Variants in KIAA0825 observed in about 807,000 individuals in gnomAD.
KIAA0825 encodes the protein KIAA0825.
In KIAA0825, 119 loss-of-function variants were observed where a neutral mutation model predicts 147.6. That is an observed-to-expected ratio of 0.81 (90% confidence interval 0.69 to 0.94). The LOEUF is 0.94. KIAA0825 is among the 40% of genes least tolerant of loss of function. KIAA0825 has a pLI of 0.00. For missense variants in KIAA0825, 1,381 were observed against 1,472.7 expected (o/e 0.94, Z 1.02); for synonymous variants, 470 against 518.1 (o/e 0.91, Z 1.26).
chr5:94,254,654 C>T (rs1244718239), intron 20 of KIAA0825, among the ~76,000 whole-genome samples: 1 of 152,050 alleles, frequency 6.6e-6, no homozygotes, highest in African/African-American at 2.4e-5. Context: ...TTCGTAACAT[C>T]TCTATGATAT....
chr5:94,557,969 G>C (rs188187478), intron 2 of KIAA0825, among the ~76,000 whole-genome samples: 4 of 152,154 alleles, frequency 2.6e-5, no homozygotes, highest in African/African-American at 9.7e-5. Flanking sequence ...GGTGTCTGCC[G>C]TGCTCCTGAT....
At chr5:94,430,674 C>T (rs1755545774) in intron 14 of KIAA0825, among the ~76,000 whole-genome samples, 1 of 152,148 alleles carries the variant, frequency 6.6e-6, no homozygotes, top group Non-Finnish European at 1.5e-5. Context: ...AATGCCCAAT[C>T]ATTTTACATA....
At chr5:94,365,762 C>G (rs543227994) in intron 20 of KIAA0825, among the ~76,000 whole-genome samples, 388 of 152,326 alleles carry the variant, frequency 2.5e-3, no homozygotes, top group Non-Finnish European at 4.3e-3. Flanking sequence ...AACAACCCCC[C>G]TTCCTGCCTG....
rs970985929 is a variant in KIAA0825 at position 94,550,198 on chromosome 5, A to G, written c.-1-13071T>C. On this transcript the variant is annotated intron_variant, in intron 2 of 20. Coordinates refer to ENST00000682413, the MANE Select transcript of KIAA0825 (RefSeq NM_001145678.3). Reference sequence around the variant, plus strand: ...ACTTACCTGTGGAAGCTAAAAATTAAAACTCTGGTCCTGCACAGCTGGGAA... The same window carrying G: ...ACTTACCTGTGGAAGCTAAAAATTAGAACTCTGGTCCTGCACAGCTGGGAA... Among the ~76,000 whole-genome samples, 4 of 152,174 alleles carry G rather than the reference A, an allele frequency of 2.6e-5. No individual in the cohort carries two copies. In the East Asian group the frequency reaches 7.7e-4, roughly 29 times the overall value.
Position 94,471,723 on chromosome 5 carries a change from A to G in KIAA0825, c.1464T>C (p.Ser488=). The G allele has an allele frequency of 6.4e-7, 1 of 1,552,344 alleles. No homozygotes were observed. Among genetic ancestry groups the G allele is most frequent in the African/African-American group, 1.4e-5 (1 of 73,192 alleles). ...TTGTGTCAAGTTTTTCCATGATGTCAGAACAAAACTAGGGAGAAATAAATG... is the reference window on the plus strand; with the variant it reads ...TTGTGTCAAGTTTTTCCATGATGTCGGAACAAAACTAGGGAGAAATAAATG... ...EQPKKIGKFC[S]DIMEKLDTML... The change falls in exon 9 of 21, where the codon TCT becomes TCC. Residue 488 remains serine, a synonymous_variant. Coordinates refer to ENST00000682413, the MANE Select transcript of KIAA0825 (RefSeq NM_001145678.3).
At chr5:94,490,761 GA>G (rs767481432) in intron 5 of KIAA0825, among the ~76,000 whole-genome samples, 2 of 152,014 alleles carry the variant, frequency 1.3e-5, no homozygotes, top group Non-Finnish European at 2.9e-5. Flanking sequence ...CACACGTAAA[GA>G]ATATAGACTA....
intron 5 of KIAA0825, chr5:94,520,047 A>C: frequency 8.8e-7 from 1 of 1,137,806 alleles, no homozygotes; most frequent in Non-Finnish European, 1.1e-6. Context: ...TATCTTTAAC[A>C]ATTTAATAAG....
intron 1 of KIAA0825, among the ~76,000 whole-genome samples, chr5:94,591,295 A>G (rs1784309297): frequency 1.3e-5 from 2 of 152,192 alleles, no homozygotes; most frequent in South Asian, 4.1e-4. Flanking sequence ...AAAAAACACA[A>G]TCAATTGAAG....
intron 5 of KIAA0825, among the ~76,000 whole-genome samples, chr5:94,504,852 A>G (rs1220917964): frequency 6.6e-6 from 1 of 151,076 alleles, no homozygotes; most frequent in Non-Finnish European, 1.5e-5. Context: ...GGTTCAAGCA[A>G]TTCTCCTGCC....
chr5:94,436,583 A>T (rs1218130697), intron 14 of KIAA0825, among the ~76,000 whole-genome samples: 1 of 152,160 alleles, frequency 6.6e-6, no homozygotes. Context: ...CTTTTTGCTT[A>T]GGATTGCCTT....
chr5:94,394,094 C>T (rs528075147), intron 17 of KIAA0825, among the ~76,000 whole-genome samples: 35 of 151,958 alleles, frequency 2.3e-4, no homozygotes, highest in African/African-American at 7.5e-4. Context: ...TCAGGTGATC[C>T]GCCTGCCTTA....
chr5:94,202,317 T>G (rs1771772975), intron 20 of KIAA0825, among the ~76,000 whole-genome samples: 1 of 152,110 alleles, frequency 6.6e-6, no homozygotes, highest in Non-Finnish European at 1.5e-5. Flanking sequence ...TGGGGAAGAT[T>G]AGAGGTCCTA....
At chr5:94,440,590 C>T (rs1381465256) in intron 13 of KIAA0825, among the ~76,000 whole-genome samples, 1 of 152,084 alleles carries the variant, frequency 6.6e-6, no homozygotes, top group Non-Finnish European at 1.5e-5. Context: ...AAGCTTCTGT[C>T]AAGGGTCAAC....
chr5:94,279,777 T>C (rs1178009014), intron 20 of KIAA0825, among the ~76,000 whole-genome samples: 2 of 152,062 alleles, frequency 1.3e-5, no homozygotes, highest in Non-Finnish European at 2.9e-5. Context: ...ATTACTGTCT[T>C]TATAGGAGGA....
At chr5:94,204,932 A>C (rs1011127790) in intron 20 of KIAA0825, among the ~76,000 whole-genome samples, 1 of 152,148 alleles carries the variant, frequency 6.6e-6, no homozygotes, top group South Asian at 2.1e-4. Context: ...TTAATACCAC[A>C]TAGATAATCA....
chr5:94,471,591 T>C lies in KIAA0825; in HGVS notation c.1596A>G (p.Gln532=). The change falls in exon 9 of 21, where the codon CAA becomes CAG. Residue 532 remains glutamine, a synonymous_variant. Coordinates refer to ENST00000682413, the MANE Select transcript of KIAA0825 (RefSeq NM_001145678.3). ...KVATAVLQRL[Q]ERAKEVPSKA... is the part of the protein sequence containing the mutation. ...TGGAAGGAACCTCCTTGGCTCTCTC[T>C]TGCAGTCTCTGCAGGACAGCTGTTG... 6.4e-7 allele frequency: 1 copy of C among 1,551,922 alleles called. No individual in the cohort carries two copies. Among genetic ancestry groups the C allele is most frequent in the Non-Finnish European group, 8.7e-7 (1 of 1,147,030 alleles).
intron 16 of KIAA0825, among the ~76,000 whole-genome samples, chr5:94,397,647 T>C (rs1750846829): frequency 6.6e-6 from 1 of 152,146 alleles, no homozygotes; most frequent in Non-Finnish European, 1.5e-5. Context: ...CTCTTCTATG[T>C]TCTGTAGGGT....
At chr5:94,410,993 T>C (rs1752691181) in intron 15 of KIAA0825, among the ~76,000 whole-genome samples, 1 of 152,068 alleles carries the variant, frequency 6.6e-6, no homozygotes, top group South Asian at 2.1e-4. Flanking sequence ...AATATAATAT[T>C]TGGAGCAAAA....
intron 16 of KIAA0825, among the ~76,000 whole-genome samples, chr5:94,397,713 G>A (rs939421055): frequency 6.6e-6 from 1 of 152,054 alleles, no homozygotes; most frequent in African/African-American, 2.4e-5. Context: ...TCCCCTCAGT[G>A]GTGACAACCA....
Sources: gnomAD v4.1 joint callset for allele counts (sites outside exome capture counted in the v4.1 genomes callset) on GRCh38, gnomAD v4.1.1 for gene constraint, MANE v1.5 for transcripts, NCBI Gene and HGNC (gene_info 2026-07-23, HGNC 2026-07-21) for gene names.